The following RIMS1 variants were observed in gnomAD, a reference collection of about 807,000 sequenced individuals.
RIMS1 encodes regulating synaptic membrane exocytosis 1.
Under a neutral mutation model 214.1 loss-of-function variants are expected in RIMS1, and 83 were observed. The ratio of observed to expected loss-of-function variants is 0.39; its 90% CI spans 0.32 to 0.47. RIMS1 has a LOEUF of 0.47. Among genes scored for constraint, RIMS1 ranks in the 20% least tolerant of loss-of-function variants. The pLI, the probability that RIMS1 is intolerant of heterozygous loss-of-function variation, is 0.99. For synonymous variants in RIMS1, 793 were observed against 786.8 expected (o/e 1.01, Z -0.13); for missense variants, 2,050 against 2,161.8 (o/e 0.95, Z 1.03).
intron 1 of RIMS1, among the ~76,000 whole-genome samples, chr6:71,966,144 G>A (rs941643375): frequency 6.6e-6 from 1 of 152,110 alleles, no homozygotes; most frequent in African/African-American, 2.4e-5. Context: ...AGAAGCCCCC[G>A]AAATTGGGTA....
intron 6 of RIMS1, among the ~76,000 whole-genome samples, chr6:72,194,613 A>T (rs192672997): frequency 9.1e-4 from 139 of 152,294 alleles, no homozygotes; most frequent in African/African-American, 3.2e-3. Context: ...TTTCTCCTTG[A>T]TGTATTGATA....
chr6:71,960,324 G>T (rs905707017), intron 1 of RIMS1, among the ~76,000 whole-genome samples: 2 of 152,108 alleles, frequency 1.3e-5, no homozygotes, highest in African/African-American at 4.8e-5. Flanking sequence ...GGGCACATAA[G>T]TTAGCTGTGA....
intron 6 of RIMS1, among the ~76,000 whole-genome samples, chr6:72,231,527 A>T (rs2061979601): frequency 6.6e-6 from 1 of 151,710 alleles, no homozygotes; most frequent in African/African-American, 2.4e-5. Flanking sequence ...AAATTTGTTT[A>T]AGCTGCAATA....
intron 6 of RIMS1, among the ~76,000 whole-genome samples, chr6:72,197,227 C>A (rs984974619): frequency 1.3e-5 from 2 of 152,106 alleles, no homozygotes. Context: ...TCTACCAGAG[C>A]AGCCTATCTA....
chr6:72,013,430 A>G (rs1342391089), intron 2 of RIMS1, among the ~76,000 whole-genome samples: 1 of 152,218 alleles, frequency 6.6e-6, no homozygotes, highest in Non-Finnish European at 1.5e-5. Context: ...ATGGCTATGT[A>G]GATAGTATAA....
chr6:72,368,789 A>G (rs1351055301), intron 29 of RIMS1, among the ~76,000 whole-genome samples: 1 of 152,140 alleles, frequency 6.6e-6, no homozygotes. Flanking sequence ...AGAGTAGTTC[A>G]TGGTCAATTA....
chr6:72,077,814 G>T (rs1832298642), intron 2 of RIMS1, among the ~76,000 whole-genome samples: 1 of 152,184 alleles, frequency 6.6e-6, no homozygotes, highest in South Asian at 2.1e-4. Flanking sequence ...CAAATCACTG[G>T]CAGAGCCTTT....
intron 1 of RIMS1, among the ~76,000 whole-genome samples, chr6:71,965,304 T>G (rs78404548): frequency 0.016 from 2,429 of 152,272 alleles, 72 homozygotes; most frequent in African/African-American, 0.054. Flanking sequence ...GGTTTTTTTT[T>G]GGGAGGGAGG....
At chr6:71,992,404 CTCTT>C (rs70994109) in intron 2 of RIMS1, among the ~76,000 whole-genome samples, 10,185 of 109,812 alleles carry the variant, frequency 0.093, 403 homozygotes, top group African/African-American at 0.12. Context: ...TTCTCTCTCT[CTCTT>C]TCTTTCTTTC....
chr6:72,338,049 A>T (rs192477869), intron 29 of RIMS1, among the ~76,000 whole-genome samples: 1 of 151,810 alleles, frequency 6.6e-6, no homozygotes, highest in Non-Finnish European at 1.5e-5. Context: ...CGCAATAAAC[A>T]TACGTGTGTA....
chr6:72,203,780 A>G (rs1182476218), intron 6 of RIMS1, among the ~76,000 whole-genome samples: 1 of 152,134 alleles, frequency 6.6e-6, no homozygotes, highest in East Asian at 1.9e-4. Flanking sequence ...GAGGGAGGAG[A>G]TTTTTGAAAA....
intron 4 of RIMS1, among the ~76,000 whole-genome samples, chr6:72,116,922 G>A (rs1190697883): frequency 6.6e-6 from 1 of 151,954 alleles, no homozygotes; most frequent in African/African-American, 2.4e-5. Context: ...TTGTAAGTGT[G>A]TGTGTATATC....
At chr6:71,987,556 G>A (rs1176017463) in intron 2 of RIMS1, among the ~76,000 whole-genome samples, 3 of 152,030 alleles carry the variant, frequency 2.0e-5, no homozygotes, top group Admixed American at 6.6e-5. Context: ...ATTTTGGGAC[G>A]GTACAAACAT....
chr6:71,932,223 C>A (rs1197123084), intron 1 of RIMS1, among the ~76,000 whole-genome samples: 1 of 152,112 alleles, frequency 6.6e-6, no homozygotes. Context: ...ATATAATCAA[C>A]TTAAATGCCC....
intron 6 of RIMS1, among the ~76,000 whole-genome samples, chr6:72,213,753 C>A (rs2154012660): frequency 6.6e-6 from 1 of 152,232 alleles, no homozygotes; most frequent in South Asian, 2.1e-4. Context: ...TTCACAAATG[C>A]AGGCCTTGAC....
intron 4 of RIMS1, 105 bp downstream of exon 4, chr6:72,100,091 A>C: frequency 1.1e-6 from 1 of 883,926 alleles, no homozygotes; most frequent in Non-Finnish European, 1.8e-6. Context: ...TTCACAAGAA[A>C]TTATATACTA....
chr6:72,143,528 G>C (rs2042334229), intron 4 of RIMS1, among the ~76,000 whole-genome samples: 1 of 152,174 alleles, frequency 6.6e-6, no homozygotes, highest in African/African-American at 2.4e-5. Context: ...AAGTCAAGAG[G>C]CTGTCAGCAA....
Position 71,992,504 on chromosome 6 carries a change from TCTC to T in RIMS1, c.245+23454_245+23456del, listed in dbSNP as rs1449454275. 3.2e-3 allele frequency among the ~76,000 whole-genome samples: 478 copies of T among 149,826 alleles called. 3 individuals carry two copies. Among genetic ancestry groups the T allele is most frequent in the African/African-American group, 0.011 (439 of 40,668 alleles). On this transcript the variant is annotated intron_variant, in intron 2 of 33. Coordinates refer to ENST00000521978, the MANE Select transcript of RIMS1 (RefSeq NM_014989.7). ...TCCTTCCTTCCCTTCTTTTTCTTCT[TCTC>T]CTCCTCCTCCTCTTCCTCCTCCCCT...
At chr6:72,105,065 G>A (rs971804591) in intron 4 of RIMS1, among the ~76,000 whole-genome samples, 1 of 151,978 alleles carries the variant, frequency 6.6e-6, no homozygotes, top group African/African-American at 2.4e-5. Flanking sequence ...TGAGCAGCTA[G>A]GACCACAGGT....
Sources: gnomAD v4.1 joint callset for allele counts (sites outside exome capture counted in the v4.1 genomes callset) on GRCh38, gnomAD v4.1.1 for gene constraint, MANE v1.5 for transcripts, NCBI Gene and HGNC (gene_info 2026-07-23, HGNC 2026-07-21) for gene names.